EIF4ENIF1: variants seen among roughly 807,000 people sequenced by gnomAD.
The protein encoded by EIF4ENIF1 is eukaryotic translation initiation factor 4E transporter.
In EIF4ENIF1, 23 loss-of-function variants were observed where a neutral mutation model predicts 110.5. The observed-to-expected ratio is 0.21, with a 90% confidence interval of 0.15 to 0.29. EIF4ENIF1 has a LOEUF of 0.29. Among genes scored for constraint, EIF4ENIF1 ranks in the 10% least tolerant of loss-of-function variants. The probability of loss-of-function intolerance (pLI) is 1.00; values close to 1 mark genes in which losing one functional copy is unlikely to be tolerated. For missense variants in EIF4ENIF1, 1,031 were observed against 1,221.1 expected, an observed-to-expected ratio of 0.84 and a Z score of 2.32; for synonymous variants, 440 against 437.0, an observed-to-expected ratio of 1.01 and a Z score of -0.09.
At chr22:31,448,565 T>C (rs1035626864) in intron 12 of EIF4ENIF1, among the ~76,000 whole-genome samples, 16 of 152,228 alleles carry the variant, frequency 1.1e-4, no homozygotes, top group African/African-American at 3.1e-4. Context: ...GCTCTGAGAA[T>C]ACACATTCTC....
intron 2 of EIF4ENIF1, among the ~76,000 whole-genome samples, chr22:31,487,974 T>G (rs2052108872): frequency 6.6e-6 from 1 of 152,124 alleles, no homozygotes; most frequent in Non-Finnish European, 1.5e-5. Context: ...ATTTGAGTCC[T>G]GTCAACCTCT....
At chr22:31,437,459 C>T (rs182387116), downstream of EIF4ENIF1, 1 of 133,270 alleles carries the variant, frequency 7.5e-6, no homozygotes, top group Non-Finnish European at 1.6e-5. Flanking sequence ...ATCCCCCCCC[C>T]ACCCTCCCGC....
intron 13 of EIF4ENIF1, 97 bp from the exon 14 acceptor site, chr22:31,447,662 A>G (rs2050517183): frequency 2.2e-6 from 3 of 1,392,112 alleles, no homozygotes; most frequent in Middle Eastern, 1.9e-4. Context: ...GTTAAGCAGA[A>G]GCTGAAAAAA....
chr22:31,491,553 AT>A (rs1305859300), upstream of EIF4ENIF1, among the ~76,000 whole-genome samples: 2 of 152,190 alleles, frequency 1.3e-5, no homozygotes, highest in Non-Finnish European at 2.9e-5. Flanking sequence ...TAAAGATAAC[AT>A]TAAAAACACT....
At chr22:31,487,597 C>T (rs2048670109) in intron 2 of EIF4ENIF1, among the ~76,000 whole-genome samples, 1 of 152,028 alleles carries the variant, frequency 6.6e-6, no homozygotes, top group Non-Finnish European at 1.5e-5. Flanking sequence ...AGGAGTTTGC[C>T]TGGGCAACAT....
chr22:31,442,157 T>C (rs762712375), intron 16 of EIF4ENIF1, 39 bp from the exon 17 acceptor site: 1 of 1,488,584 alleles, frequency 6.7e-7, no homozygotes, highest in Non-Finnish European at 9.2e-7. Flanking sequence ...GGCAAACCTC[T>C]CCCAAACACT....
intron 4 of EIF4ENIF1, among the ~76,000 whole-genome samples, chr22:31,467,380 G>A (rs2051225041): frequency 6.6e-6 from 1 of 152,132 alleles, no homozygotes; most frequent in Admixed American, 6.6e-5. Context: ...TTCCTTGACT[G>A]CTTTTATATT....
At chr22:31,448,128 T>C (rs1569069324) in intron 13 of EIF4ENIF1, 25 bp downstream of exon 13, 1 of 1,612,470 alleles carries the variant, frequency 6.2e-7, no homozygotes. Context: ...AGCAAGAGAT[T>C]GAGTTTGAGA....
chr22:31,452,345 TGCTA>T (rs894357310), intron 10 of EIF4ENIF1, among the ~76,000 whole-genome samples: 4 of 152,250 alleles, frequency 2.6e-5, no homozygotes, highest in Non-Finnish European at 2.9e-5. Context: ...TATTCTTTCC[TGCTA>T]GCTGAGTTTG....
Position 31,439,955 on chromosome 22 carries a change from T to C in EIF4ENIF1, c.2883A>G (p.Ser961=), listed in dbSNP as rs1569058397. The C allele has an allele frequency of 1.9e-6, 3 of 1,614,190 alleles. No individual in the cohort carries two copies. The highest frequency in any genetic ancestry group is 2.5e-6 in the Non-Finnish European group (3 of 1,180,018). The change falls in exon 19 of 19, where the codon TCA becomes TCG. Residue 961 remains serine (S), a synonymous_variant. Transcript: ENST00000330125. ...SPVGLAKWFG[S]DVLQQPLPSM... ...AGGGCAGGGGTTGCTGTAGCACATC[T>C]GAGCCAAACCATTTGGCAAGGCCCA...
At chr22:31,455,693 C>T (rs1331192087) in intron 8 of EIF4ENIF1, among the ~76,000 whole-genome samples, 159 bp downstream of exon 8, 2 of 152,080 alleles carry the variant, frequency 1.3e-5, no homozygotes, top group African/African-American at 2.4e-5. Flanking sequence ...CCACTGCACC[C>T]GGCCCCTTCA....
chr22:31,454,097 A>AG (rs768400730), intron 10 of EIF4ENIF1, 47 bp downstream of exon 10: 1 of 1,528,242 alleles, frequency 6.5e-7, no homozygotes, highest in Non-Finnish European at 9.0e-7. Flanking sequence ...GGGAAAAAGA[A>AG]GAAAAAAAAA....
At chr22:31,478,075 T>C (rs544948620) in intron 2 of EIF4ENIF1, among the ~76,000 whole-genome samples, 21 of 152,282 alleles carry the variant, frequency 1.4e-4, no homozygotes, top group African/African-American at 4.8e-4. Flanking sequence ...CACGTGGACA[T>C]TTAGGGAAAA....
At chr22:31,450,092 A>T (rs2050599090) in intron 11 of EIF4ENIF1, among the ~76,000 whole-genome samples, 197 bp downstream of exon 11, 1 of 119,968 alleles carries the variant, frequency 8.3e-6, no homozygotes, top group African/African-American at 3.0e-5. Context: ...TACTTTGTCA[A>T]CTTTTTTAGC....
intron 14 of EIF4ENIF1, among the ~76,000 whole-genome samples, chr22:31,445,781 G>T (rs1201016942): frequency 6.6e-6 from 1 of 152,116 alleles, no homozygotes; most frequent in Non-Finnish European, 1.5e-5. Context: ...CAAGGTAAGG[G>T]GAAAGGCATG....
intron 2 of EIF4ENIF1, among the ~76,000 whole-genome samples, chr22:31,472,288 A>G (rs1282893801): frequency 9.8e-6 from 1 of 101,698 alleles, no homozygotes; most frequent in African/African-American, 4.4e-5. Context: ...TTTTTTTTTT[A>G]CATGGAATCT....
chr22:31,464,193 A>C, intron 4 of EIF4ENIF1: 1 of 498,562 alleles, frequency 2.0e-6, no homozygotes, highest in African/African-American at 2.0e-5. Flanking sequence ...CACGATAAAT[A>C]ATTTTCCATG....
chr22:31,448,003 C>G, intron 13 of EIF4ENIF1, 150 bp downstream of exon 13: 1 of 835,818 alleles, frequency 1.2e-6, no homozygotes, highest in Non-Finnish European at 1.9e-6. Context: ...CCTGCCTCCA[C>G]CTCCCAAAGT....
chr22:31,447,327 C>A, intron 14 of EIF4ENIF1, 99 bp downstream of exon 14: 1 of 1,417,890 alleles, frequency 7.1e-7, no homozygotes, highest in Admixed American at 2.1e-5. Flanking sequence ...ACTGAACATA[C>A]CACAGTATGT....
Sources: gnomAD v4.1 joint callset for allele counts (sites outside exome capture counted in the v4.1 genomes callset) on GRCh38, gnomAD v4.1.1 for gene constraint, MANE v1.5 for transcripts, NCBI Gene and HGNC (gene_info 2026-07-23, HGNC 2026-07-21) for gene names.